GRID2: variants seen among roughly 807,000 people sequenced by gnomAD.
GRID2 encodes glutamate receptor ionotropic, delta-2.
Under a neutral mutation model 114.8 loss-of-function variants are expected in GRID2, and 33 were observed. The observed-to-expected ratio is 0.29, with a 90% CI of 0.22 to 0.38. GRID2 has a LOEUF of 0.38. GRID2 is among the 10% of genes least tolerant of loss of function. GRID2 has a pLI of 1.00. For missense variants in GRID2, 1,184 were observed against 1,257.7 expected, an observed-to-expected ratio of 0.94 and a Z score of 0.89; for synonymous variants, 505 against 449.9, an observed-to-expected ratio of 1.12 and a Z score of -1.55.
intron 1 of GRID2, among the ~76,000 whole-genome samples, chr4:92,555,716 A>G (rs1028640124): frequency 2.0e-5 from 3 of 152,164 alleles, no homozygotes; most frequent in African/African-American, 7.2e-5. Context: ...TTGGCTTCCA[A>G]GCCATGTTGA....
chr4:92,966,919 T>C (rs1753193538), intron 2 of GRID2, among the ~76,000 whole-genome samples: 1 of 151,952 alleles, frequency 6.6e-6, no homozygotes, highest in Admixed American at 6.6e-5. Flanking sequence ...AACAATACAA[T>C]GATTATGAGG....
At chr4:93,338,710 T>C (rs1759337394) in intron 8 of GRID2, among the ~76,000 whole-genome samples, 2 of 152,144 alleles carry the variant, frequency 1.3e-5, no homozygotes, top group Admixed American at 6.5e-5. Context: ...TAAACCAGTA[T>C]GCAAACCACT....
chr4:93,395,829 C>G, intron 9 of GRID2, 121 bp downstream of exon 9: 1 of 510,920 alleles, frequency 2.0e-6, no homozygotes, highest in Non-Finnish European at 3.6e-6. Context: ...AATACGCTTT[C>G]TAAGATTTTT....
Position 93,455,747 on chromosome 4 carries a change from C to T in GRID2, c.1631C>T (p.Ser544Leu), listed in dbSNP as rs200233650. 1.9e-6 allele frequency: 3 copies of T among 1,610,458 alleles called. No individual in the cohort carries two copies. Among genetic ancestry groups the T allele is most frequent in the Non-Finnish European group, 2.5e-6 (3 of 1,176,834 alleles). ...TTTACGACACGTTACATGGACTACT[C>T]AGTGGGGGTACTACTTCGAAGGGCT... is the stretch of plus-strand genomic sequence containing the variant. ...VDFTTRYMDY[S>L]VGVLLRRAEK... The change falls in exon 11 of 16, where the codon TCA becomes TTA. Residue 544 changes from serine to leucine, a missense_variant. Physicochemically the swap from Ser to Leu is moderately radical, Grantham distance 145 (BLOSUM62 -2). Transcript: ENST00000282020.
At chr4:92,979,754 C>T (rs531485467) in intron 2 of GRID2, among the ~76,000 whole-genome samples, 63 of 152,246 alleles carry the variant, frequency 4.1e-4, no homozygotes, top group African/African-American at 1.5e-3. Flanking sequence ...ATGTGCCATA[C>T]TTTGGAATTA....
chr4:93,477,203 G>C (rs1486123118), intron 11 of GRID2, among the ~76,000 whole-genome samples: 1 of 152,022 alleles, frequency 6.6e-6, no homozygotes, highest in Non-Finnish European at 1.5e-5. Context: ...ACTCACTTTT[G>C]TAAAAACCTG....
intron 2 of GRID2, among the ~76,000 whole-genome samples, chr4:92,818,202 T>G (rs1282817266): frequency 6.6e-6 from 1 of 152,168 alleles, no homozygotes; most frequent in African/African-American, 2.4e-5. Flanking sequence ...TATAAACTGA[T>G]AAGCAGAATA....
At chr4:92,711,283 T>C (rs1480402642) in intron 2 of GRID2, among the ~76,000 whole-genome samples, 3 of 152,198 alleles carry the variant, frequency 2.0e-5, no homozygotes, top group Non-Finnish European at 4.4e-5. Context: ...TACTTATTAG[T>C]TGAATGTGTT....
At chr4:93,700,705 T>G (rs1176767526) in intron 14 of GRID2, among the ~76,000 whole-genome samples, 3 of 152,178 alleles carry the variant, frequency 2.0e-5, no homozygotes, top group Non-Finnish European at 4.4e-5. Flanking sequence ...GTAGTCTTGC[T>G]GCTTAAGCAA....
intron 11 of GRID2, among the ~76,000 whole-genome samples, chr4:93,481,956 G>T (rs531220820): frequency 2.6e-5 from 4 of 151,970 alleles, no homozygotes; most frequent in African/African-American, 9.6e-5. Context: ...TTACAGAAGG[G>T]TTTATATTAT....
intron 1 of GRID2, among the ~76,000 whole-genome samples, chr4:92,546,618 C>T (rs933822459): frequency 3.9e-5 from 6 of 152,100 alleles, no homozygotes; most frequent in African/African-American, 1.2e-4. Flanking sequence ...CAAAATCAAA[C>T]GTAATATAGG....
At chr4:93,246,330 G>A (rs1214673067) in intron 8 of GRID2, among the ~76,000 whole-genome samples, 1 of 152,156 alleles carries the variant, frequency 6.6e-6, no homozygotes, top group Non-Finnish European at 1.5e-5. Context: ...GCTCACACCT[G>A]TAATCCCATC....
intron 8 of GRID2, among the ~76,000 whole-genome samples, chr4:93,325,891 T>G (rs544532221): frequency 6.6e-6 from 1 of 152,208 alleles, no homozygotes; most frequent in South Asian, 2.1e-4. Context: ...GTTGAACATT[T>G]TTGTGGATTT....
intron 1 of GRID2, among the ~76,000 whole-genome samples, chr4:92,471,258 T>C (rs1722019451): frequency 6.6e-6 from 1 of 152,072 alleles, no homozygotes; most frequent in Non-Finnish European, 1.5e-5. Flanking sequence ...CAAAATATTC[T>C]ATTGGGCATC....
At chr4:93,703,671 G>T (rs1440628273) in intron 14 of GRID2, among the ~76,000 whole-genome samples, 1 of 116,136 alleles carries the variant, frequency 8.6e-6, no homozygotes, top group Non-Finnish European at 1.6e-5. Context: ...ACAGTCCCCA[G>T]TGTGTGATGT....
chr4:92,888,997 T>G (rs1474034379), intron 2 of GRID2, among the ~76,000 whole-genome samples: 1 of 152,130 alleles, frequency 6.6e-6, no homozygotes, highest in Non-Finnish European at 1.5e-5. Context: ...TTATTTAGTC[T>G]TTAGATTTAA....
chr4:92,906,749 G>A (rs1560688252), intron 2 of GRID2, among the ~76,000 whole-genome samples: 5 of 152,104 alleles, frequency 3.3e-5, no homozygotes, highest in African/African-American at 7.2e-5. Context: ...CACACGAGTA[G>A]CTGGGACTAC....
chr4:93,467,322 T>C (rs534946998), intron 11 of GRID2, among the ~76,000 whole-genome samples: 1 of 152,224 alleles, frequency 6.6e-6, no homozygotes, highest in Non-Finnish European at 1.5e-5. Flanking sequence ...AATACTGTTT[T>C]AATACCGATT....
chr4:93,116,291 G>A (rs767503088), intron 4 of GRID2, among the ~76,000 whole-genome samples: 1 of 152,084 alleles, frequency 6.6e-6, no homozygotes, highest in Non-Finnish European at 1.5e-5. Flanking sequence ...TATATTGAGT[G>A]TGTTGGAAGC....
Sources: gnomAD v4.1 joint callset for allele counts (sites outside exome capture counted in the v4.1 genomes callset) on GRCh38, gnomAD v4.1.1 for gene constraint, MANE v1.5 for transcripts, NCBI Gene and HGNC (gene_info 2026-07-23, HGNC 2026-07-21) for gene names.